The following GSAP variants were observed in gnomAD, a reference collection of about 807,000 sequenced individuals.
GSAP encodes the protein gamma-secretase-activating protein.
A neutral mutation model predicts 131.7 loss-of-function variants in GSAP; 118 were observed. The observed-to-expected ratio is 0.90, with a 90% confidence interval of 0.77 to 1.04. The LOEUF (loss-of-function observed/expected upper bound fraction) is 1.04, where lower values mean the gene tolerates loss of function less well. Ranked by LOEUF, GSAP falls within the 50% of genes least tolerant of loss-of-function variation. The pLI, the probability that GSAP is intolerant of heterozygous loss-of-function variation, is 0.00. For synonymous variants in GSAP, 381 were observed against 363.4 expected (o/e 1.05, Z -0.55); for missense variants, 1,019 against 1,013.2 (o/e 1.01, Z -0.08).
intron 5 of GSAP, among the ~76,000 whole-genome samples, chr7:77,393,185 A>G (rs997352870): frequency 6.6e-6 from 1 of 152,168 alleles, no homozygotes; most frequent in African/African-American, 2.4e-5. Flanking sequence ...ACAGTGTTAA[A>G]CCCCACCTGA....
chr7:77,349,329 T>G (rs531415358), intron 19 of GSAP, 22 bp downstream of exon 19: 1 of 1,569,248 alleles, frequency 6.4e-7, no homozygotes, highest in East Asian at 2.2e-5. Flanking sequence ...TGTACTTTTG[T>G]TTCTTGCTGT....
chr7:77,411,037 G>A (rs77345466), intron 1 of GSAP, among the ~76,000 whole-genome samples: 4,965 of 148,490 alleles, frequency 0.033, 287 homozygotes, highest in African/African-American at 0.12. Flanking sequence ...ATTAGAAGAG[G>A]AGACTAGGAA....
chr7:77,316,899 AATGCCCTAGCTCTAAACCCTG>A (rs1795021079), intron 26 of GSAP, among the ~76,000 whole-genome samples: 1 of 152,124 alleles, frequency 6.6e-6, no homozygotes, highest in Non-Finnish European at 1.5e-5. Context: ...TTTAAAAGCA[AATGCCCTAGCTCTAAACCCTG>A]ACTTCCTTTT....
intron 2 of GSAP, 43 bp from the exon 3 acceptor site, chr7:77,404,658 G>C (rs748947345): frequency 1.7e-6 from 2 of 1,149,652 alleles, no homozygotes; most frequent in Non-Finnish European, 2.6e-6. Flanking sequence ...TCATTGTTTA[G>C]GAAGTTAGAA....
chr7:77,349,301 G>A (rs1562996127), intron 19 of GSAP, 50 bp downstream of exon 19: 1 of 1,384,216 alleles, frequency 7.2e-7, no homozygotes, highest in Admixed American at 1.7e-5. Context: ...TCAGGCAGCA[G>A]AGCTTTAGTC....
chr7:77,392,268 C>A (rs1799683908), intron 5 of GSAP, among the ~76,000 whole-genome samples: 2 of 149,944 alleles, frequency 1.3e-5, no homozygotes, highest in South Asian at 4.2e-4. Context: ...TCAGTGGAGA[C>A]TGGACACAGT....
intron 5 of GSAP, among the ~76,000 whole-genome samples, chr7:77,395,076 A>C (rs1800141954): frequency 6.6e-6 from 1 of 152,278 alleles, no homozygotes; most frequent in South Asian, 2.1e-4. Context: ...GTAATCAGGT[A>C]AAATTTAAAA....
chr7:77,340,420 C>G (rs1449890912), intron 19 of GSAP, among the ~76,000 whole-genome samples: 3 of 152,210 alleles, frequency 2.0e-5, no homozygotes, highest in Admixed American at 2.0e-4. Context: ...GACCGGTCCC[C>G]TGTGCTTGCC....
At chr7:77,329,651 C>A in intron 20 of GSAP, 1 of 247,954 alleles carries the variant, frequency 4.0e-6, no homozygotes, top group Non-Finnish European at 7.7e-6. Flanking sequence ...GAGAGAGATG[C>A]AATGTACCCT....
At chr7:77,322,676 T>C (rs1399124685) in intron 24 of GSAP, among the ~76,000 whole-genome samples, 1 of 151,532 alleles carries the variant, frequency 6.6e-6, no homozygotes, top group East Asian at 1.9e-4. Context: ...TACAGTGCTA[T>C]TGAGAAGGAG....
chr7:77,358,353 A>G (rs1035801553), intron 14 of GSAP, among the ~76,000 whole-genome samples: 1 of 152,250 alleles, frequency 6.6e-6, no homozygotes, highest in Non-Finnish European at 1.5e-5. Flanking sequence ...ACAAACAAAC[A>G]AAAAAGTTTG....
At chr7:77,399,377 T>C (rs1307429368) in intron 3 of GSAP, among the ~76,000 whole-genome samples, 1 of 152,178 alleles carries the variant, frequency 6.6e-6, no homozygotes, top group Non-Finnish European at 1.5e-5. Flanking sequence ...AGCTCCAAGT[T>C]CTATTCCCCA....
At chr7:77,342,523 T>C (rs1334707157) in intron 19 of GSAP, among the ~76,000 whole-genome samples, 1 of 147,992 alleles carries the variant, frequency 6.8e-6, no homozygotes, top group Admixed American at 6.6e-5. Context: ...ACTCTCATTC[T>C]GCCCTTTTCC....
intron 3 of GSAP, among the ~76,000 whole-genome samples, chr7:77,401,235 T>C (rs1184023413): frequency 6.6e-6 from 1 of 151,812 alleles, no homozygotes; most frequent in Non-Finnish European, 1.5e-5. Context: ...GACTACAGAT[T>C]CAATAAGCGG....
At chr7:77,392,165 T>G (rs944384829) in intron 5 of GSAP, among the ~76,000 whole-genome samples, 1 of 149,740 alleles carries the variant, frequency 6.7e-6, no homozygotes, top group Non-Finnish European at 1.5e-5. Flanking sequence ...GAGGTTACAG[T>G]GAGCCGAGAC....
intron 19 of GSAP, among the ~76,000 whole-genome samples, chr7:77,333,164 C>CA (rs1181875874): frequency 6.1e-4 from 92 of 150,090 alleles, no homozygotes; most frequent in African/African-American, 1.7e-3. Context: ...AGACTGTCTC[C>CA]AAAAAAAAAG....
intron 5 of GSAP, among the ~76,000 whole-genome samples, chr7:77,389,480 A>C (rs1799118578): frequency 8.5e-6 from 1 of 117,538 alleles, no homozygotes. Flanking sequence ...TCCCCTTCCT[A>C]TGTCCATGTG....
At chr7:77,379,276 G>C (rs1301538689) in intron 8 of GSAP, among the ~76,000 whole-genome samples, 2 of 151,740 alleles carry the variant, frequency 1.3e-5, no homozygotes, top group Non-Finnish European at 2.9e-5. Flanking sequence ...GTGAGTCTTG[G>C]TTGCTGTCTT....
At chr7:77,376,683 A>C (rs1179870493) in intron 10 of GSAP, among the ~76,000 whole-genome samples, 165 bp downstream of exon 10, 3 of 151,190 alleles carry the variant, frequency 2.0e-5, no homozygotes, top group Non-Finnish European at 4.4e-5. Context: ...AGGCTGAGGC[A>C]GGAGAATGGC....
Sources: allele counts gnomAD v4.1 joint callset (sites outside exome capture counted in the v4.1 genomes callset), GRCh38; gene constraint gnomAD v4.1.1; transcripts MANE v1.5; gene names NCBI Gene and HGNC (gene_info 2026-07-23, HGNC 2026-07-21).